HERC4: variants seen among roughly 807,000 people sequenced by gnomAD.
HERC4 encodes the protein probable E3 ubiquitin-protein ligase HERC4.
In HERC4, 28 loss-of-function variants were observed where a neutral mutation model predicts 124.3. The ratio of observed to expected loss-of-function variants is 0.23; its 90% CI spans 0.17 to 0.31. The LOEUF (loss-of-function observed/expected upper bound fraction) is 0.31, where lower values mean the gene tolerates loss of function less well. HERC4 is among the 10% of genes least tolerant of loss of function. HERC4 has a pLI of 1.00. For missense variants in HERC4, 713 were observed against 1,229.3 expected, an observed-to-expected ratio of 0.58 and a Z score of 6.28; for synonymous variants, 407 against 421.5, an observed-to-expected ratio of 0.97 and a Z score of 0.42.
intron 15 of HERC4, among the ~76,000 whole-genome samples, chr10:67,971,976 G>A (rs1488500356): frequency 6.6e-6 from 1 of 152,128 alleles, no homozygotes; most frequent in African/African-American, 2.4e-5. Context: ...CACTTTGGGA[G>A]GCTGAGGCAG....
intron 3 of HERC4, among the ~76,000 whole-genome samples, chr10:68,048,059 C>A (rs943198787): frequency 1.3e-5 from 2 of 151,728 alleles, no homozygotes; most frequent in African/African-American, 4.8e-5. Context: ...GCTGGGACTA[C>A]AAGCACATGC....
chr10:67,935,976 T>C (rs1203861405), intron 22 of HERC4, among the ~76,000 whole-genome samples, 177 bp downstream of exon 22: 1 of 152,188 alleles, frequency 6.6e-6, no homozygotes, highest in African/African-American at 2.4e-5. Flanking sequence ...TCCCTTCTCT[T>C]TGTTTTAATG....
intron 15 of HERC4, among the ~76,000 whole-genome samples, chr10:67,976,032 T>G (rs1463201834): frequency 6.6e-6 from 1 of 152,074 alleles, no homozygotes; most frequent in East Asian, 1.9e-4. Flanking sequence ...ACCCACTGTT[T>G]TTTTTTTTTT....
intron 9 of HERC4, chr10:68,010,974 G>T: frequency 1.1e-6 from 1 of 876,462 alleles, no homozygotes; most frequent in Non-Finnish European, 1.8e-6. Flanking sequence ...CATATCTATA[G>T]TTAAGTTCTT....
chr10:68,032,954 A>T, intron 6 of HERC4, 85 bp from the exon 7 acceptor site: 2 of 735,978 alleles, frequency 2.7e-6, no homozygotes, highest in East Asian at 2.5e-5. Context: ...TGCCAAGCTC[A>T]GTAGATAGTT....
At chr10:67,932,864 T>C in intron 22 of HERC4, 84 bp from the exon 23 acceptor site, 1 of 1,188,272 alleles carries the variant, frequency 8.4e-7, no homozygotes, top group Non-Finnish European at 1.2e-6. Flanking sequence ...CTTCAAGTGC[T>C]CCTACAATTT....
chr10:68,046,132 C>CAA (rs532386531), intron 3 of HERC4, among the ~76,000 whole-genome samples: 4,427 of 131,748 alleles, frequency 0.034, 223 homozygotes, highest in African/African-American at 0.11. Context: ...CACACTGTTC[C>CAA]AAAAAAAAAA....
intron 15 of HERC4, among the ~76,000 whole-genome samples, chr10:67,967,287 C>G (rs541136936): frequency 2.6e-5 from 4 of 152,142 alleles, no homozygotes; most frequent in African/African-American, 7.2e-5. Context: ...ATGGGAGACA[C>G]AAAGATTTGT....
At chr10:67,946,172 A>G (rs978527722) in intron 19 of HERC4, among the ~76,000 whole-genome samples, 8 of 151,764 alleles carry the variant, frequency 5.3e-5, no homozygotes, top group Non-Finnish European at 1.0e-4. Flanking sequence ...GGATCACTGG[A>G]ATCCAGGAGA....
chr10:67,984,005 A>G (rs1313108990), intron 15 of HERC4, among the ~76,000 whole-genome samples: 7 of 152,028 alleles, frequency 4.6e-5, no homozygotes, highest in Non-Finnish European at 7.4e-5. Context: ...TTTATACACA[A>G]TGAAGTACTA....
chr10:68,049,992 G>A (rs2040217003), intron 3 of HERC4, among the ~76,000 whole-genome samples: 1 of 152,104 alleles, frequency 6.6e-6, no homozygotes, highest in Admixed American at 6.6e-5. Flanking sequence ...AGATTGTTGA[G>A]TCCAGGAGTT....
chr10:68,039,690 T>C, intron 4 of HERC4: 1 of 1,366,398 alleles, frequency 7.3e-7, no homozygotes, highest in East Asian at 2.7e-5. Flanking sequence ...TGCCATTTCT[T>C]TGAAATAGCA....
At chr10:67,957,411 G>A (rs1043347619) in intron 16 of HERC4, among the ~76,000 whole-genome samples, 1 of 151,984 alleles carries the variant, frequency 6.6e-6, no homozygotes, top group Non-Finnish European at 1.5e-5. Flanking sequence ...TGTCATTAGG[G>A]TATCAAAATT....
At chr10:68,017,160 T>A (rs139805453) in intron 8 of HERC4, among the ~76,000 whole-genome samples, 3 of 152,200 alleles carry the variant, frequency 2.0e-5, no homozygotes, top group African/African-American at 4.8e-5. Flanking sequence ...ACAGTTGAGT[T>A]TGCCTTCTTG....
At chr10:68,019,288 G>T (rs550374853) in intron 8 of HERC4, among the ~76,000 whole-genome samples, 2 of 152,032 alleles carry the variant, frequency 1.3e-5, no homozygotes, top group Non-Finnish European at 2.9e-5. Context: ...GAGCCACTGC[G>T]CCCGGTCCAG....
intron 8 of HERC4, among the ~76,000 whole-genome samples, chr10:68,016,050 C>T (rs536265201): frequency 3.8e-4 from 58 of 152,168 alleles, no homozygotes; most frequent in African/African-American, 1.4e-3. Context: ...TTGCAGTGAG[C>T]CAAGATTCTG....
chr10:67,938,376 G>A (rs2032562731), intron 21 of HERC4, among the ~76,000 whole-genome samples: 1 of 151,130 alleles, frequency 6.6e-6, no homozygotes, highest in Non-Finnish European at 1.5e-5. Context: ...GGGAGGCGGA[G>A]GTTGCAATGA....
In HERC4 at chr10:67,990,390, C is replaced by A; in HGVS notation, c.1454G>T (p.Ser485Ile). 1 of 1,524,592 alleles carries A rather than the reference C, an allele frequency of 6.6e-7. No individual in the cohort carries two copies. Among genetic ancestry groups the A allele is most frequent in the East Asian group, 2.4e-5 (1 of 42,038 alleles). The allele number at this position is 1,524,592 out of a possible 1,614,324, so 94.4% of individuals were successfully genotyped here. The change falls in exon 14 of 25, where the codon AGT becomes ATT. Residue 485 changes from serine to isoleucine, a missense_variant. Physicochemically the swap from Ser to Ile is moderately radical, Grantham distance 142. Coordinates refer to ENST00000373700, the MANE Select transcript of HERC4 (RefSeq NM_015601.4). ...TTTAGGAATAAGATTCTTTTCCAAACTAGCTGCCACCTATATTTTGACAAA... is the reference window on the plus strand; with the variant it reads ...TTTAGGAATAAGATTCTTTTCCAAAATAGCTGCCACCTATATTTTGACAAA... ...HPQISQQVAA[S>I]LEKNLIPKLT...
At chr10:67,928,742 G>A (rs2031443305) in intron 23 of HERC4, among the ~76,000 whole-genome samples, 1 of 151,984 alleles carries the variant, frequency 6.6e-6, no homozygotes, top group African/African-American at 2.4e-5. Context: ...CCAATATGGC[G>A]AAACCCCATC....
Sources: gnomAD v4.1 joint callset for allele counts (sites outside exome capture counted in the v4.1 genomes callset) on GRCh38, gnomAD v4.1.1 for gene constraint, MANE v1.5 for transcripts, NCBI Gene and HGNC (gene_info 2026-07-23, HGNC 2026-07-21) for gene names.